Variants in STXBP2 observed in about 807,000 individuals in gnomAD.
STXBP2 encodes the protein syntaxin binding protein 2.
STXBP2 carries 47 observed loss-of-function variants against 72.2 expected under a neutral mutation model. That is an observed-to-expected ratio of 0.65 (90% CI 0.51 to 0.83). STXBP2 has a LOEUF of 0.83. STXBP2 is among the 40% of genes least tolerant of loss of function. The pLI is 0.00. For missense variants in STXBP2, 702 were observed against 807.6 expected (o/e 0.87, Z 1.58); for synonymous variants, 367 against 338.7 (o/e 1.08, Z -0.92).
At chr19:7,631,282 T>C in the STXBP2 span, 1 of 1,411,828 alleles carries the variant, frequency 7.1e-7, no homozygotes, top group South Asian at 1.6e-5. Context: ...CTTATTGCCT[T>C]CTCCTGGAAG....
Position 7,647,857 on chromosome 19 carries a change from T to C in STXBP2, c.*47T>C, listed in dbSNP as rs190778684. 2.0e-6 allele frequency: 3 copies of C among 1,487,638 alleles called. No homozygotes were observed. In the African/African-American group the frequency reaches 4.2e-5, roughly 21 times the overall value. 92.2% of individuals were successfully genotyped at this position (1,487,638 alleles called of 1,614,324 possible). A position where few individuals can be genotyped will look rare whatever the true frequency, so the allele number is the denominator to read the frequency against. ...CCTCCCTTTCCAGAGAAATAAACTC[T>C]TCCCGTCGCTCTGCCAGCCAGTGCC... On this transcript the variant is annotated 3_prime_UTR_variant, in exon 19 of 19. Coordinates refer to ENST00000221283, the MANE Select transcript of STXBP2 (RefSeq NM_006949.4).
chr19:7,630,372 T>C, the STXBP2 span: 3 of 592,218 alleles, frequency 5.1e-6, no homozygotes, highest in Non-Finnish European at 6.0e-6. Context: ...GAGGGAACTT[T>C]CAGGAATGAG....
chr19:7,633,184 C>G (rs545203405), upstream of STXBP2, among the ~76,000 whole-genome samples: 1 of 152,320 alleles, frequency 6.6e-6, no homozygotes. Flanking sequence ...ACCCCCAGGT[C>G]CCAGCATCTC....
chr19:7,632,861 C>A (rs563746051), upstream of STXBP2: 8 of 1,539,722 alleles, frequency 5.2e-6, no homozygotes, highest in Admixed American at 1.4e-4. This position sits in a 1 kb window ranked among gnomAD's most constrained non-coding sequence, Gnocchi z 5.2. Context: ...TCTGGTTGGC[C>A]CTTCAGCTTG....
chr19:7,638,554 A>C (rs2031657291), intron 1 of STXBP2, among the ~76,000 whole-genome samples, 172 bp from the exon 2 acceptor site: 1 of 151,812 alleles, frequency 6.6e-6, no homozygotes, highest in African/African-American at 2.4e-5. Context: ...GTGAGTTATG[A>C]TCACACCACT....
In STXBP2 at chr19:7,639,713, T is replaced by C. The variant is rs761225425; in HGVS notation, c.170-18T>C. Reference sequence around the variant, plus strand: ...CCTGGATGCCACCCACCTGTGTCCCTTCCTCTGTTCCTACTAGTTGTTGAA... The same window carrying C: ...CCTGGATGCCACCCACCTGTGTCCCCTCCTCTGTTCCTACTAGTTGTTGAA... On this transcript the variant is annotated intron_variant, in intron 3 of 18. Coordinates refer to ENST00000221283, the MANE Select transcript of STXBP2 (RefSeq NM_006949.4). 8 of 1,610,492 alleles carry C rather than the reference T, an allele frequency of 5.0e-6. No homozygotes were observed. The African/African-American group carries it at 6.7e-5, about 13-fold the overall frequency.
chr19:7,643,656 TG>T (rs1166774790), intron 13 of STXBP2, among the ~76,000 whole-genome samples: 1 of 142,960 alleles, frequency 7.0e-6, no homozygotes, highest in Non-Finnish European at 1.5e-5. Flanking sequence ...AGGTGGGACC[TG>T]GGAGAGGAAT....
chr19:7,638,553 G>GA (rs2031657410), intron 1 of STXBP2, among the ~76,000 whole-genome samples, 173 bp from the exon 2 acceptor site: 1 of 151,598 alleles, frequency 6.6e-6, no homozygotes, highest in Admixed American at 6.6e-5. Flanking sequence ...AGTGAGTTAT[G>GA]ATCACACCAC....
intron 3 of STXBP2, chr19:7,639,518 T>C: frequency 1.6e-6 from 1 of 619,576 alleles, no homozygotes; most frequent in Non-Finnish European, 2.9e-6. Flanking sequence ...TCAGTCTCCC[T>C]GTCTGTAAAT....
chr19:7,636,019 T>G (rs911752896), upstream of STXBP2, among the ~76,000 whole-genome samples: 4 of 152,184 alleles, frequency 2.6e-5, no homozygotes, highest in African/African-American at 9.7e-5. Context: ...AAAGGCTGCT[T>G]CTTCAGAGAG....
chr19:7,639,939 C>T (rs76801590), intron 4 of STXBP2, 132 bp downstream of exon 4: 13 of 424,410 alleles, frequency 3.1e-5, no homozygotes, highest in Non-Finnish European at 4.4e-5. Context: ...TATGTGTGTG[C>T]ATGTGTGTGC....
chr19:7,640,231 CGTCT>C (rs775606403), intron 4 of STXBP2: 3 of 445,138 alleles, frequency 6.7e-6, no homozygotes, highest in East Asian at 6.7e-5. Flanking sequence ...TCTGTGTGTG[CGTCT>C]GTGTGTATCT....
At chr19:7,631,936 A>C (rs960350860), upstream of STXBP2, 22 of 967,566 alleles carry the variant, frequency 2.3e-5, no homozygotes, top group Non-Finnish European at 3.1e-5. Flanking sequence ...GTCTATGTTT[A>C]CCCTCAATAT....
the STXBP2 span, chr19:7,631,411 G>T: frequency 4.1e-5 from 36 of 886,134 alleles, no homozygotes; most frequent in Non-Finnish European, 5.9e-5. Context: ...GGGGGGGGTG[G>T]TCCCGGCTCT....
At chr19:7,638,677 G>A (rs375399358) in intron 1 of STXBP2, 49 bp from the exon 2 acceptor site, 2 of 1,606,436 alleles carry the variant, frequency 1.2e-6, no homozygotes, top group Admixed American at 1.7e-5. Context: ...TGGGGCAGTG[G>A]TGGGACCAGA....
chr19:7,643,298 T>A, intron 13 of STXBP2, 53 bp downstream of exon 13: 1 of 1,573,304 alleles, frequency 6.4e-7, no homozygotes, highest in Non-Finnish European at 8.7e-7. Flanking sequence ...AGGCGGGGTA[T>A]TGGGGAGGGG....
intron 4 of STXBP2, 113 bp from the exon 5 acceptor site, chr19:7,640,618 C>T (rs1334086493): frequency 2.9e-6 from 4 of 1,382,028 alleles, no homozygotes; most frequent in Admixed American, 1.8e-5. Context: ...TATACATGTC[C>T]CCGTCCGTCC....
At chr19:7,646,473 G>A (rs368389749) in intron 16 of STXBP2, 129 bp downstream of exon 16, 21 of 913,200 alleles carry the variant, frequency 2.3e-5, no homozygotes, top group Non-Finnish European at 3.3e-5. Context: ...CCTTGGCACC[G>A]ATCTGCTCTG....
At chr19:7,633,310 GACTC>G, upstream of STXBP2, 4 of 1,232,748 alleles carry the variant, frequency 3.2e-6, no homozygotes, top group Non-Finnish European at 4.6e-6. Context: ...GGTCCTAGGA[GACTC>G]ACTCGTTAAT....
Sources: allele counts gnomAD v4.1 joint callset (sites outside exome capture counted in the v4.1 genomes callset), GRCh38; gene constraint gnomAD v4.1.1; non-coding constraint Gnocchi (gnomAD v3.1); transcripts MANE v1.5; gene names NCBI Gene and HGNC (gene_info 2026-07-23, HGNC 2026-07-21).